The following ADAM18 variants were observed in gnomAD, a reference collection of about 807,000 sequenced individuals.
The protein encoded by ADAM18 is ADAM metallopeptidase domain 18.
ADAM18 carries 117 observed loss-of-function variants against 94.4 expected under a neutral mutation model. That is an observed-to-expected ratio of 1.24 (90% CI 1.07 to 1.45). The LOEUF is 1.45. Ranked by LOEUF, ADAM18 falls within the 40% of genes most tolerant of loss-of-function variation. The pLI is 0.00. For synonymous variants in ADAM18, 327 were observed against 291.6 expected, an observed-to-expected ratio of 1.12 and a Z score of -1.24; for missense variants, 936 against 880.0, an observed-to-expected ratio of 1.06 and a Z score of -0.81.
intron 2 of ADAM18, 81 bp from the exon 3 acceptor site, chr8:39,606,226 T>C (rs1819079280): frequency 1.1e-5 from 8 of 758,670 alleles, no homozygotes; most frequent in African/African-American, 3.7e-5. Context: ...ATAGACTCTT[T>C]TTATTAACTT....
At chr8:39,610,733 A>G (rs1189182894) in intron 6 of ADAM18, 27 bp downstream of exon 6, 2 of 1,592,022 alleles carry the variant, frequency 1.3e-6, no homozygotes, top group Non-Finnish European at 1.7e-6. Context: ...TGATGTTATG[A>G]CATACTAGAA....
chr8:39,700,964 A>C (rs1822053219), intron 17 of ADAM18, among the ~76,000 whole-genome samples: 1 of 150,860 alleles, frequency 6.6e-6, no homozygotes, highest in African/African-American at 2.4e-5. Context: ...TAAAAATACA[A>C]AAAATTAGCC....
intron 19 of ADAM18, among the ~76,000 whole-genome samples, chr8:39,729,356 TAA>T (rs1040097853): frequency 3.5e-4 from 53 of 152,298 alleles, no homozygotes; most frequent in African/African-American, 1.3e-3. Flanking sequence ...AGTATTTTTA[TAA>T]AGTGAATAAG....
intron 17 of ADAM18, 50 bp from the exon 18 acceptor site, chr8:39,706,740 G>C (rs976156184): frequency 1.0e-6 from 1 of 991,270 alleles, no homozygotes; most frequent in Non-Finnish European, 1.6e-6. Context: ...CCTTGTATCA[G>C]ATACAAAGAC....
intron 16 of ADAM18, among the ~76,000 whole-genome samples, chr8:39,685,850 T>A (rs1452177754): frequency 6.6e-6 from 1 of 152,176 alleles, no homozygotes; most frequent in East Asian, 1.9e-4. Flanking sequence ...GGCTCAGAAA[T>A]CCCACCTTCC....
intron 18 of ADAM18, among the ~76,000 whole-genome samples, chr8:39,714,379 G>A (rs1057047054): frequency 3.3e-5 from 5 of 152,188 alleles, no homozygotes; most frequent in Non-Finnish European, 7.4e-5. Flanking sequence ...CATAGCACAT[G>A]CATACCTATG....
chr8:39,607,396 T>G (rs1280758071), intron 3 of ADAM18, among the ~76,000 whole-genome samples: 1 of 152,216 alleles, frequency 6.6e-6, no homozygotes, highest in African/African-American at 2.4e-5. Context: ...AACTGTCCCT[T>G]GTCTGCCTGC....
intron 16 of ADAM18, 83 bp from the exon 17 acceptor site, chr8:39,692,517 A>G (rs1821809954): frequency 1.4e-6 from 1 of 694,718 alleles, no homozygotes; most frequent in South Asian, 2.8e-5. Context: ...AGCATCTCTT[A>G]TACATATATA....
At position 39,710,262 on chromosome 8, in the gene ADAM18, G is replaced by T. The variant is rs190886702; in HGVS notation, c.2017+3358G>T. The stretch of plus-strand genomic sequence containing the variant: ...GAATAATTCTAGAAAATTGTATGAG[G>T]TATTTGTCAACAAGTAAACAATTCT... On this transcript the variant is annotated intron_variant, in intron 18 of 19. Transcript: ENST00000265707. Among the ~76,000 whole-genome samples the T allele has an allele frequency of 5.8e-3, 876 of 152,210 alleles. 5 individuals carry two copies. Among genetic ancestry groups the T allele is most frequent in the African/African-American group, 0.02 (833 of 41,534 alleles).
intron 15 of ADAM18, among the ~76,000 whole-genome samples, chr8:39,679,726 G>C (rs957959692): frequency 6.6e-6 from 1 of 152,120 alleles, no homozygotes; most frequent in Non-Finnish European, 1.5e-5. Flanking sequence ...TCAAAGTGGG[G>C]CAAGTGACTA....
At chr8:39,598,137 GTA>G (rs1585881118) in intron 2 of ADAM18, among the ~76,000 whole-genome samples, 1 of 152,174 alleles carries the variant, frequency 6.6e-6, no homozygotes, top group Non-Finnish European at 1.5e-5. Flanking sequence ...CAACCTTGCT[GTA>G]ATTGTTTTTT....
intron 17 of ADAM18, among the ~76,000 whole-genome samples, chr8:39,704,416 A>G (rs1822178343): frequency 6.6e-6 from 1 of 152,200 alleles, no homozygotes; most frequent in South Asian, 2.1e-4. Context: ...ATGGAAATCA[A>G]TAGATGTGAT....
Position 39,609,561 on chromosome 8 carries a change from G to A in ADAM18, c.344G>A (p.Arg115Lys). Reference sequence around the variant, plus strand: ...ACACTCAGTATATGTTCTGGTCTCAGGTAATAGCACCTTATAAGAAATCTA... The same window carrying A: ...ACACTCAGTATATGTTCTGGTCTCAAGTAATAGCACCTTATAAGAAATCTA... ...FVTLSICSGLRGFLQFENISY... is the reference protein window; with the variant it reads ...FVTLSICSGLKGFLQFENISY... The change falls in exon 5 of 20, where the codon AGG becomes AAG. Residue 115 changes from arginine to lysine, a missense_variant and splice_region_variant. Physicochemically the swap from Arg to Lys is conservative, Grantham distance 26. Coordinates refer to ENST00000265707, the MANE Select transcript of ADAM18 (RefSeq NM_014237.3). 1 of 1,601,340 alleles carries A rather than the reference G, an allele frequency of 6.2e-7. No homozygotes were observed. Among genetic ancestry groups the A allele is most frequent in the Non-Finnish European group, 8.5e-7 (1 of 1,170,996 alleles).
chr8:39,692,495 T>C (rs1316240390), intron 16 of ADAM18, 105 bp from the exon 17 acceptor site: 2 of 483,066 alleles, frequency 4.1e-6, no homozygotes, highest in Non-Finnish European at 7.2e-6. Context: ...TTACTAAAAG[T>C]CTTTCAACTT....
intron 16 of ADAM18, among the ~76,000 whole-genome samples, chr8:39,688,487 T>C (rs749260684): frequency 4.6e-5 from 7 of 152,210 alleles, no homozygotes; most frequent in Non-Finnish European, 1.0e-4. Flanking sequence ...ATGCAGTATT[T>C]AGTTTTCTAT....
chr8:39,672,673 G>C (rs2129580349), intron 14 of ADAM18, among the ~76,000 whole-genome samples: 1 of 152,190 alleles, frequency 6.6e-6, no homozygotes, highest in South Asian at 2.1e-4. Flanking sequence ...TGGGAGCAAG[G>C]GCCATAGAAG....
At chr8:39,654,698 T>G (rs1820639207) in intron 12 of ADAM18, among the ~76,000 whole-genome samples, 1 of 152,180 alleles carries the variant, frequency 6.6e-6, no homozygotes, top group South Asian at 2.1e-4. Context: ...GCATCCACAT[T>G]AGCATTTGTT....
intron 16 of ADAM18, among the ~76,000 whole-genome samples, chr8:39,680,603 T>A (rs892755289): frequency 6.6e-6 from 1 of 152,180 alleles, no homozygotes; most frequent in African/African-American, 2.4e-5. Context: ...GATCAAAATA[T>A]AAGTGTACAA....
chr8:39,712,844 C>A (rs1344888751), intron 18 of ADAM18, among the ~76,000 whole-genome samples: 1 of 152,096 alleles, frequency 6.6e-6, no homozygotes, highest in Admixed American at 6.6e-5. Flanking sequence ...GAATCAGTAT[C>A]GTGAAAATGG....
Sources: allele counts gnomAD v4.1 joint callset (sites outside exome capture counted in the v4.1 genomes callset), GRCh38; gene constraint gnomAD v4.1.1; transcripts MANE v1.5; gene names NCBI Gene and HGNC (gene_info 2026-07-23, HGNC 2026-07-21).